Variants in DSTYK observed in about 807,000 individuals in gnomAD.
The protein encoded by DSTYK is RIP-homologous kinase.
In DSTYK, 34 loss-of-function variants were observed where a neutral mutation model predicts 98.7. That is an observed-to-expected ratio of 0.34 (90% CI 0.26 to 0.46). The LOEUF (loss-of-function observed/expected upper bound fraction) is 0.46, where lower values mean the gene tolerates loss of function less well. Ranked by LOEUF, DSTYK falls within the 20% of genes least tolerant of loss-of-function variation. DSTYK has a pLI of 1.00. For missense variants in DSTYK, 962 were observed against 1,181.7 expected (o/e 0.81, Z 2.73); for synonymous variants, 462 against 457.3 (o/e 1.01, Z -0.13).
chr1:205,186,047 A>G (rs189192130), intron 2 of DSTYK, among the ~76,000 whole-genome samples: 3 of 152,106 alleles, frequency 2.0e-5, no homozygotes. Flanking sequence ...GAAAAGAAAA[A>G]AAATATATAT....
At position 205,169,240 on chromosome 1, in the gene DSTYK, A is replaced by G. The variant is rs751507782; in HGVS notation, c.1247T>C (p.Met416Thr). The change falls in exon 3 of 13, where the codon ATG (methionine) becomes ACG (threonine). Residue 416 changes from methionine (M) to threonine (T), a missense_variant. Met to Thr is a moderately conservative substitution (Grantham distance 81). Coordinates refer to ENST00000367162, the MANE Select transcript of DSTYK (RefSeq NM_015375.3). This position sits in a 1 kb window ranked among gnomAD's most constrained non-coding sequence, Gnocchi z 4.0. ...MNIANRKQEEMKDMIVETLNT... is the reference protein window; with the variant it reads ...MNIANRKQEETKDMIVETLNT... ...AAGTGTCTCAACAATCATATCCTTCATTTCCTCCTGCTTTCGGTTGGCAAT... is the reference window on the plus strand; with the variant it reads ...AAGTGTCTCAACAATCATATCCTTCGTTTCCTCCTGCTTTCGGTTGGCAAT... The G allele has an allele frequency of 6.2e-6, 10 of 1,613,822 alleles. No homozygotes were observed. The highest frequency in any genetic ancestry group is 8.5e-6 in the Non-Finnish European group (10 of 1,179,980).
rs748679528 is a variant in DSTYK, at chr1:205,163,948, A to G, written c.1332T>C (p.Ile444=). Residue 444 remains isoleucine, a synonymous_variant, in exon 4 of 13, where the codon ATT becomes ATC. Transcript: ENST00000367162. ...DATNMEFKDV[I]VPENGEPVGT... ...CTACTGGTTCTCCATTCTCAGGGAC[A>G]ATGACGTCTATGGAGGCAGAGAAAT... 14 of 1,613,978 alleles carry G rather than the reference A, an allele frequency of 8.7e-6. No individual in the cohort carries two copies. The highest frequency in any genetic ancestry group is 4.5e-5 in the East Asian group (2 of 44,882).
Position 205,197,609 on chromosome 1 carries a change from C to T in DSTYK, c.266-9803G>A, listed in dbSNP as rs1658904569. ...GATTTTACTTGACAAGAAAAACCAG[C>T]CGGAAAAAAAAAAAATACATCAAAT... On this transcript the variant is annotated intron_variant, in intron 1 of 12. Coordinates refer to ENST00000367162, the MANE Select transcript of DSTYK (RefSeq NM_015375.3). Among the ~76,000 whole-genome samples, 3 of 151,448 alleles carry T rather than the reference C, an allele frequency of 2.0e-5. No individual in the cohort carries two copies. The South Asian group carries it at 6.3e-4, about 32-fold the overall frequency.
Position 205,211,658 on chromosome 1 carries a change from C to A in DSTYK, c.-123G>T, listed in dbSNP as rs576748927. 4.5e-6 allele frequency: 6 copies of A among 1,322,332 alleles called. No homozygotes were observed. The highest frequency in any genetic ancestry group is 1.6e-5 in the African/African-American group (1 of 64,094). 81.9% of individuals were successfully genotyped at this position (1,322,332 alleles called of 1,614,324 possible). A position where few individuals can be genotyped will look rare whatever the true frequency, so the allele number is the denominator to read the frequency against. On this transcript the variant is annotated 5_prime_UTR_variant, in exon 1 of 13. Transcript: ENST00000367162. Reference sequence around the variant, plus strand: ...TCCTGACGCCCCCGCCTGCAGTCAGCCTGGCTCCCAACCTCCGTCACTGCC... The same window carrying A: ...TCCTGACGCCCCCGCCTGCAGTCAGACTGGCTCCCAACCTCCGTCACTGCC...
intron 5 of DSTYK, 32 bp downstream of exon 5, chr1:205,162,891 T>A: frequency 6.5e-7 from 1 of 1,542,946 alleles, no homozygotes. Flanking sequence ...AACTAGGGGC[T>A]TTGAAATCTT....
At chr1:205,183,778 C>G (rs912794913) in intron 2 of DSTYK, among the ~76,000 whole-genome samples, 2 of 152,162 alleles carry the variant, frequency 1.3e-5, no homozygotes, top group Non-Finnish European at 2.9e-5. Flanking sequence ...CTGAGCATTG[C>G]TGATGTATCT....
intron 1 of DSTYK, among the ~76,000 whole-genome samples, chr1:205,193,594 G>A: frequency 6.6e-6 from 1 of 152,088 alleles, no homozygotes; most frequent in East Asian, 1.9e-4. Flanking sequence ...ACCCTGGCCG[G>A]GCACAGTGGC....
chr1:205,190,712 A>C (rs1196517722), intron 1 of DSTYK, among the ~76,000 whole-genome samples: 1 of 151,376 alleles, frequency 6.6e-6, no homozygotes, highest in Non-Finnish European at 1.5e-5. Context: ...TGAGAAGTCC[A>C]GCTAGACTGT....
chr1:205,180,348 G>T (rs1290072062), intron 2 of DSTYK, among the ~76,000 whole-genome samples: 1 of 151,300 alleles, frequency 6.6e-6, no homozygotes, highest in East Asian at 2.0e-4. Context: ...CCACTTATGA[G>T]TGAGAACATG....
rs755163150 is a variant in DSTYK, at chr1:205,160,239, C to T, written c.1980G>A (p.Arg660=). ...ACAGGTATACCACACCATACTGGCCCCGGCCCAGTTCCTGTCCCAGTTTAG... is the reference window on the plus strand; with the variant it reads ...ACAGGTATACCACACCATACTGGCCTCGGCCCAGTTCCTGTCCCAGTTTAG... The part of the protein sequence containing the change: ...RKPKLGQELG[R]GQYGVVYLCD... The change falls in exon 8 of 13, where the codon CGG becomes CGA. Residue 660 remains arginine, a synonymous_variant. Transcript: ENST00000367162. 1.2e-6 allele frequency: 2 copies of T among 1,614,044 alleles called. No individual in the cohort carries two copies. Among genetic ancestry groups the T allele is most frequent in the East Asian group, 2.2e-5 (1 of 44,894 alleles).
At chr1:205,210,112 G>T (rs1199636659) in intron 1 of DSTYK, among the ~76,000 whole-genome samples, 1 of 151,968 alleles carries the variant, frequency 6.6e-6, no homozygotes, top group African/African-American at 2.4e-5. Flanking sequence ...ATGTTGGCCA[G>T]GCTGGTCCCG....
intron 2 of DSTYK, among the ~76,000 whole-genome samples, chr1:205,181,203 A>G (rs1347803854): frequency 2.6e-5 from 4 of 152,164 alleles, no homozygotes; most frequent in Admixed American, 2.0e-4. Context: ...GCCCAATTCC[A>G]TAGACTCCTT....
At position 205,144,859 on chromosome 1, in the gene DSTYK, A is replaced by G. The variant is rs1268151521; in HGVS notation, c.*2699T>C. 6.6e-6 allele frequency: 1 copy of G among 152,180 alleles called. No homozygotes were observed. The highest frequency in any genetic ancestry group is 1.5e-5 in the Non-Finnish European group (1 of 68,034). 9.4% of individuals were successfully genotyped at this position (152,180 alleles called of 1,614,324 possible). A position where few individuals can be genotyped will look rare whatever the true frequency, so the allele number is the denominator to read the frequency against. On this transcript the variant is annotated 3_prime_UTR_variant, in exon 13 of 13. Transcript: ENST00000367162. ...AGCAAACTAAGCCGTGGGGTAAACT[A>G]AAAAGGGACTCTGGGTAGAGGAAAA...
chr1:205,153,055 C>T (rs928201034), intron 10 of DSTYK, among the ~76,000 whole-genome samples: 10 of 152,182 alleles, frequency 6.6e-5, no homozygotes, highest in African/African-American at 1.4e-4. Flanking sequence ...TGAGGTCCTC[C>T]GGTCAGCTAA....
intron 1 of DSTYK, among the ~76,000 whole-genome samples, chr1:205,208,653 C>T (rs542921397): frequency 2.1e-4 from 32 of 152,214 alleles, no homozygotes; most frequent in African/African-American, 7.5e-4. Context: ...TTGGAAGGAT[C>T]GTTTGAGGCC....
intron 3 of DSTYK, among the ~76,000 whole-genome samples, chr1:205,168,299 C>T (rs1460578680): frequency 6.6e-6 from 1 of 152,156 alleles, no homozygotes; most frequent in African/African-American, 2.4e-5. Flanking sequence ...CAAATCCTGC[C>T]TCTAATATTT....
At chr1:205,153,255 G>C (rs1236971974) in intron 10 of DSTYK, among the ~76,000 whole-genome samples, 2 of 152,120 alleles carry the variant, frequency 1.3e-5, no homozygotes, top group African/African-American at 4.8e-5. Flanking sequence ...TGATATGCCA[G>C]TATACTTTCA....
intron 1 of DSTYK, among the ~76,000 whole-genome samples, chr1:205,199,201 T>C (rs570696060): frequency 9.2e-5 from 14 of 152,138 alleles, no homozygotes; most frequent in Non-Finnish European, 2.1e-4. Flanking sequence ...AAGCATGTTA[T>C]AATAAAGCCC....
chr1:205,187,943 T>G, intron 1 of DSTYK, 137 bp from the exon 2 acceptor site: 6 of 839,322 alleles, frequency 7.1e-6, no homozygotes, highest in Non-Finnish European at 1.1e-5. Context: ...GAACCTTGGT[T>G]GAAGGACATA....
Sources: allele counts gnomAD v4.1 joint callset (sites outside exome capture counted in the v4.1 genomes callset), GRCh38; gene constraint gnomAD v4.1.1; non-coding constraint Gnocchi (gnomAD v3.1); transcripts MANE v1.5; gene names NCBI Gene and HGNC (gene_info 2026-07-23, HGNC 2026-07-21).